Variants in TUBA4B observed in about 807,000 individuals in gnomAD.
TUBA4B encodes the protein tubulin-like protein alpha-4B.
A neutral mutation model predicts 18.4 loss-of-function variants in TUBA4B; 13 were observed. The ratio of observed to expected loss-of-function variants is 0.71; its 90% CI spans 0.46 to 1.12. TUBA4B has a LOEUF of 1.12. Ranked by LOEUF, TUBA4B falls within the 50% of genes most tolerant of loss-of-function variation. The pLI, the probability that TUBA4B is intolerant of heterozygous loss-of-function variation, is 0.00. For missense variants in TUBA4B, 244 were observed against 250.0 expected, an observed-to-expected ratio of 0.98 and a Z score of 0.16; for synonymous variants, 101 against 99.1, an observed-to-expected ratio of 1.02 and a Z score of -0.11.
intron 1 of TUBA4B, 38 bp downstream of exon 1, chr2:219,253,457 T>C (rs1951682712): frequency 6.9e-7 from 1 of 1,443,358 alleles, no homozygotes; most frequent in South Asian, 1.2e-5. Flanking sequence ...GCCAAGCACG[T>C]GCTCGGTCAG....
chr2:219,263,932 C>T (rs1037368250), intron 1 of TUBA4B, among the ~76,000 whole-genome samples: 6 of 152,208 alleles, frequency 3.9e-5, no homozygotes, highest in Non-Finnish European at 5.9e-5. Flanking sequence ...GATAGGGTTG[C>T]TAAATAAAAT....
At chr2:219,269,263 T>A (rs1360238659) in intron 2 of TUBA4B, among the ~76,000 whole-genome samples, 1 of 152,180 alleles carries the variant, frequency 6.6e-6, no homozygotes, top group Non-Finnish European at 1.5e-5. Flanking sequence ...TTCCCTTGCT[T>A]CCCTCACCAA....
chr2:219,258,725 A>T (rs557438879), intron 1 of TUBA4B, among the ~76,000 whole-genome samples: 3 of 152,218 alleles, frequency 2.0e-5, no homozygotes, highest in African/African-American at 7.2e-5. Flanking sequence ...TGTTACAGTA[A>T]CAGTAGGAAA....
intron 1 of TUBA4B, among the ~76,000 whole-genome samples, chr2:219,261,017 A>G (rs974913559): frequency 6.6e-6 from 1 of 151,470 alleles, no homozygotes; most frequent in Non-Finnish European, 1.5e-5. Flanking sequence ...TTTTAGGATC[A>G]CTTTCCTCTC....
intron 1 of TUBA4B, among the ~76,000 whole-genome samples, chr2:219,259,681 C>T (rs541988274): frequency 1.3e-5 from 2 of 152,270 alleles, no homozygotes; most frequent in East Asian, 3.9e-4. Context: ...TCTTTTCTGA[C>T]CCCTTCCCAG....
intron 1 of TUBA4B, among the ~76,000 whole-genome samples, chr2:219,255,567 G>A (rs1255050064): frequency 6.6e-6 from 1 of 151,896 alleles, no homozygotes; most frequent in African/African-American, 2.4e-5. Flanking sequence ...ACAAGGTCTC[G>A]CCATATTGTC....
intron 1 of TUBA4B, among the ~76,000 whole-genome samples, chr2:219,259,061 T>C (rs1951742307): frequency 6.6e-6 from 1 of 151,750 alleles, no homozygotes; most frequent in Non-Finnish European, 1.5e-5. Flanking sequence ...GGCAGGCGGA[T>C]TGTGAGGTCA....
chr2:219,256,931 T>C (rs569390107), intron 1 of TUBA4B, among the ~76,000 whole-genome samples: 52 of 151,888 alleles, frequency 3.4e-4, no homozygotes, highest in African/African-American at 1.3e-3. Flanking sequence ...TAAAAGAATA[T>C]GGGCAGCCTC....
chr2:219,266,356 G>A, intron 1 of TUBA4B, 165 bp from the exon 2 acceptor site: 1 of 588,738 alleles, frequency 1.7e-6, no homozygotes, highest in South Asian at 2.1e-5. Flanking sequence ...TTTGGGTGCA[G>A]GCCCAGAGCT....
Position 219,253,364 on chromosome 2 carries a change from G to T in TUBA4B, c.-44G>T. 3 of 1,533,678 alleles carry T rather than the reference G, an allele frequency of 2.0e-6. No individual in the cohort carries two copies. The highest frequency in any genetic ancestry group is 2.4e-5 in the South Asian group (2 of 83,892). On this transcript the variant is annotated 5_prime_UTR_variant, in exon 1 of 4. Transcript: ENST00000490341. ...CGGGGTGCTGAGTCACGGGGGGGGG[G>T]TGGTTCTGTGGATAGTTGGAATGCA...
At chr2:219,267,140 G>A (rs1205755698) in intron 2 of TUBA4B, among the ~76,000 whole-genome samples, 3 of 152,124 alleles carry the variant, frequency 2.0e-5, no homozygotes, top group Admixed American at 2.0e-4. Context: ...GCTGTGCCTG[G>A]GGCTTATTTG....
At chr2:219,257,559 G>A (rs1230319822) in intron 1 of TUBA4B, among the ~76,000 whole-genome samples, 1 of 145,064 alleles carries the variant, frequency 6.9e-6, no homozygotes, top group Non-Finnish European at 1.5e-5. Context: ...GGAGAATCGT[G>A]TGAACCTGGG....
rs143026939 is a variant in TUBA4B at position 219,264,685 on chromosome 2, A to C, written c.13-1836A>C. Among the ~76,000 whole-genome samples, 280 of 152,266 alleles carry C rather than the reference A, an allele frequency of 1.8e-3. 1 individual carries two copies. Among genetic ancestry groups the C allele is most frequent in the Non-Finnish European group, 3.4e-3 (228 of 68,028 alleles). On this transcript the variant is annotated intron_variant, in intron 1 of 3. Coordinates refer to ENST00000490341, the MANE Select transcript of TUBA4B (RefSeq NM_001355221.1). ...CGCTGCACACAGGGATGTTCTAGAC[A>C]TGATGGAGTAGGATGGCACTAGATT...
Position 219,266,657 on chromosome 2 carries a change from A to G in TUBA4B, c.58+91A>G. 3 of 686,288 alleles carry G rather than the reference A, an allele frequency of 4.4e-6. No individual in the cohort carries two copies. The South Asian group carries it at 4.6e-5, about 11-fold the overall frequency. The allele number at this position is 686,288 out of a possible 1,614,324, so 42.5% of individuals were successfully genotyped here. The stretch of plus-strand genomic sequence containing the variant: ...TGGCGTGAAGGTACCTTGGGAGTCC[A>G]CATGGTGATGGGGCTACAGTATGTG... On this transcript the variant is annotated intron_variant, in intron 2 of 3. Coordinates refer to ENST00000490341, the MANE Select transcript of TUBA4B (RefSeq NM_001355221.1).
chr2:219,271,039 G>A (rs1951821561), intron 3 of TUBA4B, 127 bp from the exon 4 acceptor site: 1 of 605,398 alleles, frequency 1.7e-6, no homozygotes, highest in South Asian at 2.0e-5. Context: ...GATCTCTTTT[G>A]TGCTCTTGGA....
Position 219,271,447 on chromosome 2 carries a change from C to T in TUBA4B, c.474C>T (p.Ile158=), listed in dbSNP as rs759452071. The T allele has an allele frequency of 1.2e-6, 2 of 1,614,162 alleles. No individual in the cohort carries two copies. The highest frequency in any genetic ancestry group is 8.5e-7 in the Non-Finnish European group (1 of 1,180,010). ...ACATCTGCCACTGCAACCTAGACAT[C>T]GAGCGCCCAACCTACACCAACCTCA... ...IYDICHCNLD[I]ERPTYTNLNR... Residue 158 remains isoleucine, a synonymous_variant, in exon 4 of 4, where the codon ATC becomes ATT. Coordinates refer to ENST00000490341, the MANE Select transcript of TUBA4B (RefSeq NM_001355221.1).
At chr2:219,265,857 T>A (rs1012071637) in intron 1 of TUBA4B, among the ~76,000 whole-genome samples, 1 of 152,210 alleles carries the variant, frequency 6.6e-6, no homozygotes, top group Non-Finnish European at 1.5e-5. Context: ...ACAGCTGTTT[T>A]GGACTAAGCA....
intron 1 of TUBA4B, among the ~76,000 whole-genome samples, chr2:219,253,689 C>T (rs538847874): frequency 6.6e-6 from 1 of 152,338 alleles, no homozygotes; most frequent in Admixed American, 6.5e-5. Context: ...CTATACGGCT[C>T]GGCCAAAGTC....
intron 1 of TUBA4B, among the ~76,000 whole-genome samples, chr2:219,258,743 G>A (rs1179561244): frequency 1.3e-5 from 2 of 152,002 alleles, no homozygotes; most frequent in African/African-American, 2.4e-5. Flanking sequence ...AAAATAATAC[G>A]ACAACAATAG....
Sources: gnomAD v4.1 joint callset for allele counts (sites outside exome capture counted in the v4.1 genomes callset) on GRCh38, gnomAD v4.1.1 for gene constraint, MANE v1.5 for transcripts, NCBI Gene and HGNC (gene_info 2026-07-23, HGNC 2026-07-21) for gene names.